Variants in CCNF observed in about 807,000 individuals in gnomAD.
The protein encoded by CCNF is cyclin-F.
In CCNF, 30 loss-of-function variants were observed where a neutral mutation model predicts 85.4. That is an observed-to-expected ratio of 0.35 (90% CI 0.26 to 0.48). The LOEUF (loss-of-function observed/expected upper bound fraction) is 0.48, where lower values mean the gene tolerates loss of function less well. Among genes scored for constraint, CCNF ranks in the 20% least tolerant of loss-of-function variants. The pLI, the probability that CCNF is intolerant of heterozygous loss-of-function variation, is 0.99. For synonymous variants in CCNF, 439 were observed against 425.1 expected (o/e 1.03, Z -0.40); for missense variants, 919 against 1,010.4 (o/e 0.91, Z 1.23).
chr16:2,456,518 C>G lies in CCNF; in HGVS notation c.1886-27C>G. On this transcript the variant is annotated intron_variant, in intron 16 of 16. Transcript: ENST00000397066. The surrounding 1 kb of genome is among the most constrained non-coding windows in gnomAD (Gnocchi z 4.5). Reference sequence around the variant, plus strand: ...CCCCTGATGCTTGGGTGTGACATGACTTCCCTCCCCACCAACCTTCCTGCA... The same window carrying G: ...CCCCTGATGCTTGGGTGTGACATGAGTTCCCTCCCCACCAACCTTCCTGCA... 16 of 1,455,658 alleles carry G rather than the reference C, an allele frequency of 1.1e-5. No homozygotes were observed. The highest frequency in any genetic ancestry group is 1.3e-5 in the Non-Finnish European group (14 of 1,085,044). 90.2% of individuals were successfully genotyped at this position (1,455,658 alleles called of 1,614,324 possible).
intron 9 of CCNF, among the ~76,000 whole-genome samples, chr16:2,444,199 G>C (rs1015979977): frequency 6.6e-6 from 1 of 151,876 alleles, no homozygotes; most frequent in Non-Finnish European, 1.5e-5. Flanking sequence ...GATTACAGGC[G>C]TGAGCCACCG....
intron 16 of CCNF, among the ~76,000 whole-genome samples, 174 bp downstream of exon 16, chr16:2,455,738 G>A (rs2065423875): frequency 6.6e-6 from 1 of 152,158 alleles, no homozygotes; most frequent in African/African-American, 2.4e-5. Flanking sequence ...GGGGAGAGAG[G>A]AGGGGAGAGC....
At chr16:2,432,905 G>A (rs1006271996) in intron 2 of CCNF, 56 bp from the exon 3 acceptor site, 4 of 1,074,162 alleles carry the variant, frequency 3.7e-6, no homozygotes, top group African/African-American at 1.5e-5. Context: ...GCCTCCAGGT[G>A]TGGGGCTTTT....
chr16:2,436,976 G>A (rs1007001889), intron 4 of CCNF, 153 bp from the exon 5 acceptor site: 1 of 543,802 alleles, frequency 1.8e-6, no homozygotes, highest in Non-Finnish European at 3.2e-6. Flanking sequence ...AAAGACAGGT[G>A]CCCCCATCCT....
At chr16:2,446,818 C>G (rs2065364680) in intron 10 of CCNF, among the ~76,000 whole-genome samples, 1 of 152,226 alleles carries the variant, frequency 6.6e-6, no homozygotes, top group African/African-American at 2.4e-5. Flanking sequence ...AGGGTGCTGC[C>G]CTTGTCCCTG....
intron 9 of CCNF, 139 bp from the exon 10 acceptor site, chr16:2,445,319 C>T (rs2065355500): frequency 1.0e-6 from 1 of 995,846 alleles, no homozygotes; most frequent in South Asian, 1.5e-5. Context: ...ATGGCCTCTC[C>T]AGCCTTGGTT....
chr16:2,442,022 T>C (rs1318757504), intron 8 of CCNF, among the ~76,000 whole-genome samples: 4 of 141,038 alleles, frequency 2.8e-5, no homozygotes, highest in Non-Finnish European at 6.1e-5. Context: ...TTTGTTTTGT[T>C]TTTGATGGAG....
At chr16:2,438,392 T>C (rs2141818280) in intron 6 of CCNF, among the ~76,000 whole-genome samples, 1 of 152,290 alleles carries the variant, frequency 6.6e-6, no homozygotes, top group Middle Eastern at 3.4e-3. Context: ...CGATGCTCAC[T>C]CGTCTGCTGG....
At chr16:2,431,507 C>T (rs1425878497) in intron 2 of CCNF, among the ~76,000 whole-genome samples, 1 of 151,878 alleles carries the variant, frequency 6.6e-6, no homozygotes, top group Non-Finnish European at 1.5e-5. Flanking sequence ...GGCAAAACCC[C>T]CATCTCTACT....
intron 8 of CCNF, among the ~76,000 whole-genome samples, chr16:2,440,394 G>A (rs1039621866): frequency 2.0e-5 from 3 of 152,152 alleles, no homozygotes; most frequent in East Asian, 1.9e-4. Flanking sequence ...CAAGGTGGGC[G>A]GATGACCTGA....
chr16:2,435,424 A>AG (rs2065283727), intron 3 of CCNF, among the ~76,000 whole-genome samples: 2 of 149,158 alleles, frequency 1.3e-5, no homozygotes, highest in East Asian at 2.0e-4. Flanking sequence ...AAAAGAAAAT[A>AG]TTTTTTTTTG....
intron 5 of CCNF, chr16:2,437,655 G>A (rs1053688153): frequency 2.4e-5 from 8 of 327,872 alleles, no homozygotes; most frequent in East Asian, 5.9e-5. Flanking sequence ...TTGGGAGGCC[G>A]AGGCTGGAGA....
chr16:2,434,263 G>A (rs978292074), intron 3 of CCNF, among the ~76,000 whole-genome samples: 3 of 151,822 alleles, frequency 2.0e-5, no homozygotes, highest in Admixed American at 2.0e-4. Flanking sequence ...CCAAGATTGC[G>A]CCATTGCACT....
chr16:2,447,922 T>C (rs1426980543), intron 10 of CCNF, among the ~76,000 whole-genome samples: 1 of 152,170 alleles, frequency 6.6e-6, no homozygotes, highest in African/African-American at 2.4e-5. Context: ...CTGCGCCTCT[T>C]GTCCTCTTGG....
rs1567390689 is a variant in CCNF at position 2,452,922 on chromosome 16, T to C, written c.1488-288T>C. 4 of 481,334 alleles carry C rather than the reference T, an allele frequency of 8.3e-6. No homozygotes were observed. In the East Asian group the frequency reaches 1.5e-4, roughly 18 times the overall value. The allele number at this position is 481,334 out of a possible 1,614,324, so 29.8% of individuals were successfully genotyped here. A position where few individuals can be genotyped will look rare whatever the true frequency, so the allele number is the denominator to read the frequency against. On this transcript the variant is annotated intron_variant, in intron 13 of 16. Coordinates refer to ENST00000397066, the MANE Select transcript of CCNF (RefSeq NM_001761.3). This position sits in a 1 kb window ranked among gnomAD's most constrained non-coding sequence, Gnocchi z 4.1. Reference sequence around the variant, plus strand: ...TATTCCCCTGCATGGACCACATGTGTTTATCCATCCCGCAGCTGGTGGACA... The same window carrying C: ...TATTCCCCTGCATGGACCACATGTGCTTATCCATCCCGCAGCTGGTGGACA...
Position 2,453,677 on chromosome 16 carries a change from C to G in CCNF, c.1715+140C>G, listed in dbSNP as rs1033236882. The G allele has an allele frequency of 1.8e-6, 2 of 1,117,528 alleles. No homozygotes were observed. Among genetic ancestry groups the G allele is most frequent in the Non-Finnish European group, 2.6e-6 (2 of 776,456 alleles). 69.2% of individuals were successfully genotyped at this position (1,117,528 alleles called of 1,614,324 possible). A position where few individuals can be genotyped will look rare whatever the true frequency, so the allele number is the denominator to read the frequency against. On this transcript the variant is annotated intron_variant, in intron 15 of 16. Coordinates refer to ENST00000397066, the MANE Select transcript of CCNF (RefSeq NM_001761.3). The surrounding 1 kb of genome is among the most constrained non-coding windows in gnomAD (Gnocchi z 5.6). Reference sequence around the variant, plus strand: ...AGATCCCAGGACAGTGACCCTGGGACGGAGCCCTGCAGTCATGCCTCGGGC... The same window carrying G: ...AGATCCCAGGACAGTGACCCTGGGAGGGAGCCCTGCAGTCATGCCTCGGGC...
chr16:2,449,605 T>C, intron 12 of CCNF, 143 bp downstream of exon 12: 1 of 858,502 alleles, frequency 1.2e-6, no homozygotes, highest in Non-Finnish European at 1.8e-6. Flanking sequence ...CTACCTTCAG[T>C]GATGTCCCAG....
At chr16:2,441,020 T>C (rs376344984) in intron 8 of CCNF, among the ~76,000 whole-genome samples, 1 of 148,518 alleles carries the variant, frequency 6.7e-6, no homozygotes. Context: ...GATCACGAGG[T>C]CAAGAGGTCG....
chr16:2,445,204 C>T (rs1283287186), intron 9 of CCNF, among the ~76,000 whole-genome samples: 2 of 152,118 alleles, frequency 1.3e-5, no homozygotes, highest in South Asian at 2.1e-4. Flanking sequence ...TGCGTCAGGT[C>T]GAGGTCTCAA....
Sources: gnomAD v4.1 joint callset for allele counts (sites outside exome capture counted in the v4.1 genomes callset) on GRCh38, gnomAD v4.1.1 for gene constraint, Gnocchi (gnomAD v3.1) non-coding constraint, MANE v1.5 for transcripts, NCBI Gene and HGNC (gene_info 2026-07-23, HGNC 2026-07-21) for gene names.